PPP1R9A: variants seen among roughly 807,000 people sequenced by gnomAD.
PPP1R9A encodes neurabin-1.
In PPP1R9A, 59 loss-of-function variants were observed where a neutral mutation model predicts 141.9. The ratio of observed to expected loss-of-function variants is 0.42; its 90% CI spans 0.34 to 0.52. The LOEUF (loss-of-function observed/expected upper bound fraction) is 0.52, where lower values mean the gene tolerates loss of function less well. PPP1R9A is among the 20% of genes least tolerant of loss of function. The probability of loss-of-function intolerance (pLI) is 0.10; values close to 1 mark genes in which losing one functional copy is unlikely to be tolerated. For missense variants in PPP1R9A, 1,444 were observed against 1,611.9 expected (o/e 0.90, Z 1.78); for synonymous variants, 500 against 569.7 (o/e 0.88, Z 1.74).
intron 2 of PPP1R9A, among the ~76,000 whole-genome samples, chr7:95,030,266 A>C (rs1807479078): frequency 6.6e-6 from 1 of 152,208 alleles, no homozygotes; most frequent in Non-Finnish European, 1.5e-5. Flanking sequence ...ATATTTAGAA[A>C]GATTTTTAAT....
intron 12 of PPP1R9A, among the ~76,000 whole-genome samples, chr7:95,265,996 CA>C (rs1801229855): frequency 6.6e-6 from 1 of 152,116 alleles, no homozygotes; most frequent in Admixed American, 6.6e-5. Context: ...ACACAAGCAC[CA>C]GGCAAATTAT....
At chr7:95,049,293 C>G (rs1032682875) in intron 2 of PPP1R9A, among the ~76,000 whole-genome samples, 1 of 152,112 alleles carries the variant, frequency 6.6e-6, no homozygotes, top group Admixed American at 6.5e-5. Context: ...GAAGAAAGGT[C>G]AATTTTTACC....
chr7:95,253,064 ATGAC>A (rs1799113330), intron 12 of PPP1R9A, among the ~76,000 whole-genome samples: 1 of 152,240 alleles, frequency 6.6e-6, no homozygotes, highest in South Asian at 2.1e-4. Flanking sequence ...ATGAACATGA[ATGAC>A]TGTTTTAATA....
intron 12 of PPP1R9A, among the ~76,000 whole-genome samples, chr7:95,266,656 G>C (rs913152133): frequency 6.6e-6 from 1 of 152,128 alleles, no homozygotes; most frequent in African/African-American, 2.4e-5. Context: ...TCATGGGGCT[G>C]TTGTAAGGAA....
chr7:95,130,016 A>C (rs1389921820), intron 4 of PPP1R9A, among the ~76,000 whole-genome samples: 1 of 152,220 alleles, frequency 6.6e-6, no homozygotes, highest in Non-Finnish European at 1.5e-5. Context: ...CCATTTCCTG[A>C]AGTGAAATTC....
At chr7:95,001,021 A>G (rs924507357) in intron 2 of PPP1R9A, among the ~76,000 whole-genome samples, 1 of 152,246 alleles carries the variant, frequency 6.6e-6, no homozygotes, top group African/African-American at 2.4e-5. Flanking sequence ...CTCATTTAAT[A>G]ATTTGTTTGT....
chr7:95,044,943 G>A (rs1455163499), intron 2 of PPP1R9A, among the ~76,000 whole-genome samples: 2 of 151,822 alleles, frequency 1.3e-5, no homozygotes, highest in African/African-American at 2.4e-5. Flanking sequence ...AAAAATTTAA[G>A]TGGTTTCAGT....
intron 2 of PPP1R9A, among the ~76,000 whole-genome samples, chr7:95,044,593 G>A (rs1353755290): frequency 6.8e-6 from 1 of 147,334 alleles, no homozygotes; most frequent in Non-Finnish European, 1.5e-5. Flanking sequence ...CATGCAGGCT[G>A]GAGTTAAGTG....
chr7:95,189,265 CG>C (rs1835109558), intron 5 of PPP1R9A, among the ~76,000 whole-genome samples: 1 of 151,978 alleles, frequency 6.6e-6, no homozygotes, highest in Non-Finnish European at 1.5e-5. Flanking sequence ...CTGATGGCTA[CG>C]TGCCTGGGTG....
intron 2 of PPP1R9A, among the ~76,000 whole-genome samples, chr7:94,995,668 C>T (rs1802078821): frequency 6.6e-6 from 1 of 151,862 alleles, no homozygotes; most frequent in Non-Finnish European, 1.5e-5. Context: ...TTAGTATCTC[C>T]CATACCTCTA....
intron 4 of PPP1R9A, among the ~76,000 whole-genome samples, chr7:95,134,706 A>G (rs1825321737): frequency 1.3e-5 from 2 of 152,116 alleles, no homozygotes; most frequent in South Asian, 4.1e-4. Flanking sequence ...AAGTGTTGGG[A>G]TTACAGGCAT....
In PPP1R9A at chr7:94,911,128, C is replaced by A. The variant is rs753238860; in HGVS notation, c.1015C>A (p.Pro339Thr). 7 of 1,614,038 alleles carry A rather than the reference C, an allele frequency of 4.3e-6. No individual in the cohort carries two copies. The Admixed American group carries it at 1.2e-4, about 27-fold the overall frequency. Residue 339 changes from proline to threonine, a missense_variant, in exon 2 of 20, where the codon CCA becomes ACA. Transcript: ENST00000433360. ...KAMPKSEIPS[P>T]QSQLLEDAEA... is the part of the protein sequence containing the mutation. ...AATGCCAAAGTCCGAAATCCCTTCA[C>A]CACAAAGCCAACTGTTAGAAGATGC...
rs905706236 is a variant in PPP1R9A at position 95,145,016 on chromosome 7, A to G, written c.1650-16851A>G. On this transcript the variant is annotated intron_variant, in intron 4 of 19. Coordinates refer to ENST00000433360, the MANE Select transcript of PPP1R9A (RefSeq NM_001166160.2). The stretch of plus-strand genomic sequence containing the variant: ...CAAAAAGAATAAAATACTTTGTAAT[A>G]TATTTAACTGAGGAAGTGAAAGATA... 4.6e-5 allele frequency among the ~76,000 whole-genome samples: 7 copies of G among 152,220 alleles called. 1 individual carries two copies. The highest frequency in any genetic ancestry group is 7.3e-5 in the Non-Finnish European group (5 of 68,040).
chr7:95,108,163 C>T (rs1030373232), intron 2 of PPP1R9A, among the ~76,000 whole-genome samples: 50 of 151,936 alleles, frequency 3.3e-4, no homozygotes, highest in African/African-American at 1.1e-3. Flanking sequence ...CTGCAAATAA[C>T]GACTTCTGGC....
intron 16 of PPP1R9A, 130 bp downstream of exon 16, chr7:95,274,298 A>G (rs1452995761): frequency 1.2e-6 from 1 of 830,906 alleles, no homozygotes; most frequent in African/African-American, 1.7e-5. Flanking sequence ...GAGATGGAAG[A>G]AAAATTGCAC....
intron 4 of PPP1R9A, among the ~76,000 whole-genome samples, chr7:95,157,790 T>C (rs918185971): frequency 1.1e-4 from 16 of 152,198 alleles, no homozygotes; most frequent in African/African-American, 3.9e-4. Flanking sequence ...TTTCTTAACA[T>C]TTGGGATCAA....
chr7:95,203,782 G>A (rs1790104717), intron 7 of PPP1R9A, 52 bp downstream of exon 7: 1 of 1,298,526 alleles, frequency 7.7e-7, no homozygotes, highest in East Asian at 2.6e-5. Context: ...TGCTTCATAT[G>A]TAAAATTAAA....
chr7:95,176,493 C>A, intron 5 of PPP1R9A: 1 of 152,722 alleles, frequency 6.5e-6, no homozygotes, highest in South Asian at 2.0e-4. Context: ...AGTAGCTCAC[C>A]AACAGTGGAT....
At chr7:94,937,382 G>A (rs939306748) in intron 2 of PPP1R9A, among the ~76,000 whole-genome samples, 4 of 152,082 alleles carry the variant, frequency 2.6e-5, no homozygotes, top group African/African-American at 7.2e-5. Flanking sequence ...CTGAGCACAC[G>A]GTAGTTAAAA....
Sources: gnomAD v4.1 joint callset for allele counts (sites outside exome capture counted in the v4.1 genomes callset) on GRCh38, gnomAD v4.1.1 for gene constraint, MANE v1.5 for transcripts, NCBI Gene and HGNC (gene_info 2026-07-23, HGNC 2026-07-21) for gene names.